Variants in TTC39B observed in about 807,000 individuals in gnomAD.
The protein encoded by TTC39B is tetratricopeptide repeat domain 39B.
A neutral mutation model predicts 96.6 loss-of-function variants in TTC39B; 92 were observed. That is an observed-to-expected ratio of 0.95 (90% confidence interval 0.80 to 1.13). TTC39B has a LOEUF of 1.13. Ranked by LOEUF, TTC39B falls within the 50% of genes most tolerant of loss-of-function variation. The pLI, the probability that TTC39B is intolerant of heterozygous loss-of-function variation, is 0.00. For missense variants in TTC39B, 955 were observed against 809.3 expected, an observed-to-expected ratio of 1.18 and a Z score of -2.18; for synonymous variants, 367 against 299.4, an observed-to-expected ratio of 1.23 and a Z score of -2.33.
intron 8 of TTC39B, 137 bp from the exon 9 acceptor site, chr9:15,192,832 G>C (rs1001358778): frequency 2.6e-5 from 16 of 615,434 alleles, no homozygotes; most frequent in Middle Eastern, 4.2e-4. Context: ...GGATGATGCT[G>C]TGCTGAGTTT....
intron 2 of TTC39B, among the ~76,000 whole-genome samples, chr9:15,238,929 T>C (rs2131462105): frequency 6.6e-6 from 1 of 152,308 alleles, no homozygotes; most frequent in South Asian, 2.1e-4. Flanking sequence ...TAGGTTGCAG[T>C]GAGCCAAGAT....
chr9:15,200,131 A>G (rs901548563), intron 7 of TTC39B, among the ~76,000 whole-genome samples: 3 of 152,204 alleles, frequency 2.0e-5, no homozygotes, highest in Non-Finnish European at 4.4e-5. Flanking sequence ...AGGACAACAA[A>G]AAGAAAATAC....
intron 10 of TTC39B, among the ~76,000 whole-genome samples, 192 bp downstream of exon 10, chr9:15,190,998 T>G (rs183842122): frequency 2.6e-5 from 4 of 152,336 alleles, no homozygotes. Flanking sequence ...GGTGAACATT[T>G]TTAACTTTCA....
chr9:15,225,802 C>T, intron 3 of TTC39B, 115 bp downstream of exon 3: 1 of 895,548 alleles, frequency 1.1e-6, no homozygotes, highest in South Asian at 2.0e-5. Flanking sequence ...TAGGCCTCTC[C>T]TGACCTCATT....
intron 2 of TTC39B, among the ~76,000 whole-genome samples, chr9:15,265,406 G>A (rs775571882): frequency 3.3e-5 from 5 of 152,120 alleles, no homozygotes; most frequent in Admixed American, 6.5e-5. Context: ...GCTAGCTCCC[G>A]CTGGGAAAAG....
chr9:15,304,462 T>C (rs1824693056), intron 1 of TTC39B, among the ~76,000 whole-genome samples: 1 of 152,198 alleles, frequency 6.6e-6, no homozygotes, highest in Non-Finnish European at 1.5e-5. Flanking sequence ...CTAACTTCTA[T>C]GCTCCCGAAT....
intron 13 of TTC39B, among the ~76,000 whole-genome samples, chr9:15,189,084 T>G (rs1054787666): frequency 2.6e-5 from 4 of 152,148 alleles, no homozygotes; most frequent in Non-Finnish European, 5.9e-5. Flanking sequence ...TTTGATCCCA[T>G]TTGTGTGGAA....
intron 13 of TTC39B, among the ~76,000 whole-genome samples, chr9:15,189,155 C>T (rs1235016093): frequency 6.6e-6 from 1 of 152,118 alleles, no homozygotes; most frequent in African/African-American, 2.4e-5. Context: ...CTGACCTCGA[C>T]GCTTCGTTTT....
intron 2 of TTC39B, among the ~76,000 whole-genome samples, chr9:15,262,049 G>A (rs925834455): frequency 6.6e-6 from 1 of 152,070 alleles, no homozygotes; most frequent in South Asian, 2.1e-4. Context: ...TGCCGAACAG[G>A]TCATAAAGTT....
chr9:15,213,963 T>C (rs533717080), intron 4 of TTC39B, among the ~76,000 whole-genome samples, 176 bp downstream of exon 4: 1 of 152,358 alleles, frequency 6.6e-6, no homozygotes, highest in South Asian at 2.1e-4. Context: ...TTAATTATAT[T>C]TGAAAACTCA....
rs1277411225 is a variant in TTC39B at position 15,190,676 on chromosome 9, A to T, written c.997-14T>A. On this transcript the variant is annotated splice_polypyrimidine_tract_variant and intron_variant, in intron 10 of 19. Coordinates refer to ENST00000512701, the Ensembl canonical transcript of TTC39B. ...GAGGCCCAACTCCTATGGGAATTAA[A>T]TGCATTTTTAGAAAGAGAACAAGAC... is the stretch of plus-strand genomic sequence containing the variant. The T allele has an allele frequency of 6.2e-7, 1 of 1,601,792 alleles. No homozygotes were observed. The highest frequency in any genetic ancestry group is 1.1e-5 in the South Asian group (1 of 90,748).
At chr9:15,217,260 T>G (rs920856601) in intron 3 of TTC39B, among the ~76,000 whole-genome samples, 24 of 152,208 alleles carry the variant, frequency 1.6e-4, no homozygotes, top group African/African-American at 5.8e-4. Context: ...TGTTCCCATT[T>G]TAACTCCTGC....
chr9:15,236,858 G>C (rs144800596), intron 2 of TTC39B, among the ~76,000 whole-genome samples: 2 of 152,126 alleles, frequency 1.3e-5, no homozygotes, highest in Non-Finnish European at 2.9e-5. Flanking sequence ...TTAATTAAAC[G>C]CCTACATCAG....
At chr9:15,192,793 A>G (rs1818934028) in intron 8 of TTC39B, 98 bp from the exon 9 acceptor site, 2 of 768,890 alleles carry the variant, frequency 2.6e-6, no homozygotes, top group Admixed American at 2.5e-5. Flanking sequence ...AATAAATGTC[A>G]TTAATTAAAA....
At chr9:15,255,214 A>C (rs958910124) in intron 2 of TTC39B, among the ~76,000 whole-genome samples, 1 of 152,142 alleles carries the variant, frequency 6.6e-6, no homozygotes, top group Admixed American at 6.5e-5. Context: ...AGTTTTAGGC[A>C]ATTTCAGGGT....
At chr9:15,210,914 C>G (rs1820157842) in intron 5 of TTC39B, among the ~76,000 whole-genome samples, 1 of 152,096 alleles carries the variant, frequency 6.6e-6, no homozygotes, top group Admixed American at 6.5e-5. Context: ...ACAAATAAAA[C>G]ATTCCCTCAT....
At chr9:15,280,420 G>A (rs1052683072) in intron 1 of TTC39B, among the ~76,000 whole-genome samples, 1 of 152,210 alleles carries the variant, frequency 6.6e-6, no homozygotes, top group South Asian at 2.1e-4. Flanking sequence ...ATGCTTTGAG[G>A]ATAGAGTGAG....
At chr9:15,165,237 C>G (rs1247878657) in exon 20 of TTC39B, 1 of 152,144 alleles carries the variant, frequency 6.6e-6, no homozygotes, top group African/African-American at 2.4e-5. Flanking sequence ...ATCCCAGCTA[C>G]TTGGGAGCCT....
At chr9:15,267,801 T>C in intron 2 of TTC39B, 113 bp downstream of exon 2, 3 of 855,168 alleles carry the variant, frequency 3.5e-6, no homozygotes, top group East Asian at 2.7e-5. Flanking sequence ...TTTTTTTTTC[T>C]GAAAATAGCC....
Sources: gnomAD v4.1 joint callset for allele counts (sites outside exome capture counted in the v4.1 genomes callset) on GRCh38, gnomAD v4.1.1 for gene constraint, MANE v1.5 for transcripts, NCBI Gene and HGNC (gene_info 2026-07-23, HGNC 2026-07-21) for gene names.